The following ROBO3 variants were observed in gnomAD, a reference collection of about 807,000 sequenced individuals.
ROBO3 encodes roundabout guidance receptor 3, also known as roundabout homolog 3.
In ROBO3, 97 loss-of-function variants were observed where a neutral mutation model predicts 160.5. The observed-to-expected ratio is 0.60, with a 90% CI of 0.51 to 0.72. The LOEUF (loss-of-function observed/expected upper bound fraction) is 0.72, where lower values mean the gene tolerates loss of function less well. ROBO3 is among the 30% of genes least tolerant of loss of function. The probability of loss-of-function intolerance (pLI) is 0.00; values close to 1 mark genes in which losing one functional copy is unlikely to be tolerated. For synonymous variants in ROBO3, 780 were observed against 746.2 expected (o/e 1.05, Z -0.74); for missense variants, 1,858 against 1,846.5 (o/e 1.01, Z -0.11).
rs778059924 is a variant in ROBO3 at position 124,878,826 on chromosome 11, G to A, written c.3533+30G>A. 2.6e-6 allele frequency: 4 copies of A among 1,552,294 alleles called. No homozygotes were observed. In the African/African-American group the frequency reaches 5.4e-5, roughly 21 times the overall value. On this transcript the variant is annotated intron_variant, in intron 23 of 27. Transcript: ENST00000397801. The surrounding 1 kb of genome is among the most constrained non-coding windows in gnomAD (Gnocchi z 4.3). ...GGAGGTATATAGTACCTCACTCATT[G>A]CAAGCCCTCTATACGTATCTACTCA...
rs1277774195 is a variant in ROBO3 at position 124,874,196 on chromosome 11, C to T, written c.1911C>T (p.Leu637=). The stretch of plus-strand genomic sequence containing the variant: ...TTCGAGCAGTGGGAGCCTGGGGCCT[C>T]AGTGAGCCCAGCCCCGTCTCTGAGC... ...FLVRAVGAWG[L]SEPSPVSEPV... The change falls in exon 12 of 28, where the codon CTC becomes CTT. Residue 637 remains leucine, a synonymous_variant. Coordinates refer to ENST00000397801, the MANE Select transcript of ROBO3 (RefSeq NM_022370.4). 12 of 1,613,838 alleles carry T rather than the reference C, an allele frequency of 7.4e-6. No individual in the cohort carries two copies. The highest frequency in any genetic ancestry group is 1.7e-5 in the Admixed American group (1 of 60,006).
At chr11:124,874,977 T>C in intron 13 of ROBO3, 68 bp downstream of exon 13, 1 of 1,552,104 alleles carries the variant, frequency 6.4e-7, no homozygotes, top group Non-Finnish European at 8.7e-7. Flanking sequence ...CCTCCAAGAG[T>C]GAGTATGGGA....
Position 124,872,067 on chromosome 11 carries a change from A to G in ROBO3, c.1159-314A>G, listed in dbSNP as rs1232420953. ...TAGAAGACTTTCATATGATTACTTC[A>G]TGTGATCTTTATAACTATCCTCTAG... is the stretch of plus-strand genomic sequence containing the variant. On this transcript the variant is annotated intron_variant, in intron 7 of 27. Coordinates refer to ENST00000397801, the MANE Select transcript of ROBO3 (RefSeq NM_022370.4). The surrounding 1 kb of genome is among the most constrained non-coding windows in gnomAD (Gnocchi z 4.3). Among the ~76,000 whole-genome samples, 5 of 152,254 alleles carry G rather than the reference A, an allele frequency of 3.3e-5. No homozygotes were observed. Among genetic ancestry groups the G allele is most frequent in the African/African-American group, 1.2e-4 (5 of 41,464 alleles).
At position 124,876,537 on chromosome 11, in the gene ROBO3, C is replaced by A; in HGVS notation, c.2779+77C>A. The A allele has an allele frequency of 8.1e-7, 1 of 1,233,726 alleles. No homozygotes were observed. Among genetic ancestry groups the A allele is most frequent in the Non-Finnish European group, 1.0e-6 (1 of 956,650 alleles). 76.4% of individuals were successfully genotyped at this position (1,233,726 alleles called of 1,614,324 possible). ...ATGGGGAGGGGCAGGGGCTTAGCCG[C>A]TGGCGAGTGAGGACCGGGTCGGGAG... On this transcript the variant is annotated intron_variant, in intron 17 of 27. Transcript: ENST00000397801. This position sits in a 1 kb window ranked among gnomAD's most constrained non-coding sequence, Gnocchi z 5.3.
At position 124,869,099 on chromosome 11, in the gene ROBO3, C is replaced by T. The variant is rs868383476; in HGVS notation, c.458C>T (p.Ala153Val). ...GCTCGCAACTACCTGGGGGCAGCAG[C>T]GAGCAGAAACGCCTCGCTGGAAGTG... ...CVARNYLGAA[A>V]SRNASLEVAV... Residue 153 changes from alanine to valine, a missense_variant, in exon 2 of 28, where the codon GCG becomes GTG. Transcript: ENST00000397801. This position sits in a 1 kb window ranked among gnomAD's most constrained non-coding sequence, Gnocchi z 4.2. 3.8e-6 allele frequency: 6 copies of T among 1,575,370 alleles called. No homozygotes were observed. The Middle Eastern group carries it at 8.5e-4, about 222-fold the overall frequency.
At chr11:124,868,707 G>C in intron 1 of ROBO3, 95 bp from the exon 2 acceptor site, 1 of 1,276,188 alleles carries the variant, frequency 7.8e-7, no homozygotes, top group Non-Finnish European at 1.1e-6. Context: ...AAGCATAGGA[G>C]ATGGAACGAC....
rs1946243013 is a variant in ROBO3 at position 124,869,046 on chromosome 11, G to A, written c.405G>A (p.Arg135=). The A allele has an allele frequency of 6.2e-7, 1 of 1,602,822 alleles. No individual in the cohort carries two copies. Among genetic ancestry groups the A allele is most frequent in the East Asian group, 2.3e-5 (1 of 44,400 alleles). ...GCATCGTGCACGGGCGCCGCGCGCG[G>A]CCGGACGAAGGTGTCTACACTTGCG... ...FPRIVHGRRA[R]PDEGVYTCVA... Residue 135 remains arginine (R), a synonymous_variant, in exon 2 of 28, where the codon CGG becomes CGA. Coordinates refer to ENST00000397801, the MANE Select transcript of ROBO3 (RefSeq NM_022370.4). The surrounding 1 kb of genome is among the most constrained non-coding windows in gnomAD (Gnocchi z 4.2).
rs201358102 is a variant in ROBO3, at chr11:124,879,223, T to C, written c.3567T>C (p.Ser1189=). The C allele has an allele frequency of 1.3e-4, 207 of 1,554,508 alleles. No homozygotes were observed. In the African/African-American group the frequency reaches 2.5e-3, roughly 19 times the overall value. Residue 1189 remains serine, a synonymous_variant, in exon 24 of 28, where the codon AGT becomes AGC. Transcript: ENST00000397801. ...RVPLGPSSPL[S]VSQPMLGIRE... is the part of the protein sequence containing the mutation. ...CCCTTGGGCCGAGTTCCCCTCTCAG[T>C]GTATCCCAGCCCATGCTGGGCATCC...
chr11:124,869,984 A>C lies in ROBO3; in HGVS notation c.682A>C (p.Lys228Gln), dbSNP rs749199026. The C allele has an allele frequency of 6.2e-7, 1 of 1,613,466 alleles. No individual in the cohort carries two copies. The highest frequency in any genetic ancestry group is 8.5e-7 in the Non-Finnish European group (1 of 1,179,636). Residue 228 changes from lysine to glutamine, a missense_variant, in exon 4 of 28, where the codon AAG becomes CAG. Coordinates refer to ENST00000397801, the MANE Select transcript of ROBO3 (RefSeq NM_022370.4). The surrounding 1 kb of genome is among the most constrained non-coding windows in gnomAD (Gnocchi z 4.2). Reference sequence around the variant, plus strand: ...GAAGCTGATGATGTCACATACACTCAAGAGCGATGCAGGCATGTATGTGTG... The same window carrying C: ...GAAGCTGATGATGTCACATACACTCCAGAGCGATGCAGGCATGTATGTGTG... ...GGKLMMSHTL[K>Q]SDAGMYVCVA...
chr11:124,868,325 A>G (rs959002923), intron 1 of ROBO3: 5 of 236,156 alleles, frequency 2.1e-5, no homozygotes, highest in Non-Finnish European at 4.1e-5. Context: ...TCCCAATTTC[A>G]CTGAGCCAGG....
In ROBO3 at chr11:124,876,908, C is replaced by T. The variant is rs574793851; in HGVS notation, c.2780-253C>T. 1.6e-6 allele frequency: 1 copy of T among 608,556 alleles called. No homozygotes were observed. Among genetic ancestry groups the T allele is most frequent in the Non-Finnish European group, 2.9e-6 (1 of 341,632 alleles). 37.7% of individuals were successfully genotyped at this position (608,556 alleles called of 1,614,324 possible). ...TGCTACTTCCTAGTAAGGGACGTCT[C>T]TGGAGAGATTCTGAGGTGTTTGAGG... is the stretch of plus-strand genomic sequence containing the variant. On this transcript the variant is annotated intron_variant, in intron 17 of 27. Transcript: ENST00000397801. The surrounding 1 kb of genome is among the most constrained non-coding windows in gnomAD (Gnocchi z 5.3).
At position 124,870,024 on chromosome 11, in the gene ROBO3, T is replaced by G. The variant is rs1435528315; in HGVS notation, c.722T>G (p.Met241Arg). 1 of 1,613,900 alleles carries G rather than the reference T, an allele frequency of 6.2e-7. No homozygotes were observed. The change falls in exon 4 of 28, where the codon ATG becomes AGG. Residue 241 changes from methionine to arginine, a missense_variant. Coordinates refer to ENST00000397801, the MANE Select transcript of ROBO3 (RefSeq NM_022370.4). ...ATGTATGTGTGCGTAGCCTCCAACA[T>G]GGCGGGAGAACGGGAGAGTGCGGCA... ...AGMYVCVASNMAGERESAAAE... is the reference protein window; with the variant it reads ...AGMYVCVASNRAGERESAAAE...
rs1219254088 is a variant in ROBO3 at position 124,869,506 on chromosome 11, C to T, written c.544C>T (p.Pro182Ser). Residue 182 changes from proline to serine, a missense_variant, in exon 3 of 28, where the codon CCA (proline) becomes TCA (serine). Physicochemically the swap from Pro to Ser is moderately conservative, Grantham distance 74. Coordinates refer to ENST00000397801, the MANE Select transcript of ROBO3 (RefSeq NM_022370.4). The surrounding 1 kb of genome is among the most constrained non-coding windows in gnomAD (Gnocchi z 4.2). ...PGNVVVAVGE[P>S]AVLECVPPRG... ...AAACGTGGTGGTGGCAGTGGGGGAG[C>T]CAGCAGTACTGGAATGCGTGCCCCC... 1.5e-5 allele frequency: 22 copies of T among 1,474,516 alleles called. No individual in the cohort carries two copies. The highest frequency in any genetic ancestry group is 1.8e-5 in the Non-Finnish European group (20 of 1,097,540). 91.3% of individuals were successfully genotyped at this position (1,474,516 alleles called of 1,614,324 possible). A position where few individuals can be genotyped will look rare whatever the true frequency, so the allele number is the denominator to read the frequency against.
At position 124,865,797 on chromosome 11, in the gene ROBO3, C is replaced by T. The variant is rs996401334; in HGVS notation, c.160+60C>T. The T allele has an allele frequency of 5.3e-6, 8 of 1,505,354 alleles. No individual in the cohort carries two copies. The Admixed American group carries it at 5.9e-5, about 11-fold the overall frequency. The allele number at this position is 1,505,354 out of a possible 1,614,324, so 93.2% of individuals were successfully genotyped here. ...GGATGGGGATGAGGTGAGAGGGCGG[C>T]GTGGAAGGGAAGGAGAAGCGCTCCT... is the stretch of plus-strand genomic sequence containing the variant. On this transcript the variant is annotated intron_variant, in intron 1 of 27. Coordinates refer to ENST00000397801, the MANE Select transcript of ROBO3 (RefSeq NM_022370.4). The surrounding 1 kb of genome is among the most constrained non-coding windows in gnomAD (Gnocchi z 5.5).
At chr11:124,879,159 G>A (rs1946488828) in intron 23 of ROBO3, 31 bp from the exon 24 acceptor site, 1 of 1,545,530 alleles carries the variant, frequency 6.5e-7, no homozygotes, top group African/African-American at 1.4e-5. Context: ...TTTGTGGAGG[G>A]AACAGAGGCT....
rs1396691390 is a variant in ROBO3 at position 124,879,346 on chromosome 11, GTC to G, written c.3685+9_3685+10del. On this transcript the variant is annotated splice_donor_region_variant and intron_variant, in intron 24 of 27. Coordinates refer to ENST00000397801, the MANE Select transcript of ROBO3 (RefSeq NM_022370.4). ...GCACAGCCAGCAGTGCCCCAGGTAA[GTC>G]TCTACAACCTCCTTTTGCCCCCCGG... The G allele has an allele frequency of 5.0e-6, 8 of 1,608,482 alleles. No individual in the cohort carries two copies. The East Asian group carries it at 6.7e-5, about 13-fold the overall frequency.
chr11:124,880,027 C>T, intron 26 of ROBO3, 79 bp downstream of exon 26: 8 of 1,325,010 alleles, frequency 6.0e-6, no homozygotes, highest in East Asian at 2.5e-5. Context: ...GATAGTAGAC[C>T]AGCTCAGCCC....
chr11:124,866,807 C>T (rs1946203163), intron 1 of ROBO3, among the ~76,000 whole-genome samples: 1 of 152,070 alleles, frequency 6.6e-6, no homozygotes, highest in Non-Finnish European at 1.5e-5. Flanking sequence ...AAAAGGCCGA[C>T]CAGAAGGGTG....
Position 124,874,867 on chromosome 11 carries a change from GCCC to G in ROBO3, c.2032_2034del (p.Pro678del). On this transcript the variant is annotated inframe_deletion, in exon 13 of 28. Transcript: ENST00000397801. Reference sequence around the variant, plus strand: ...CGGAAGTGGCTGTGCGCCTGCAGGAGCCCATAGTCCTGGGACCCCGGACCCTGC... The same window carrying G: ...CGGAAGTGGCTGTGCGCCTGCAGGAGATAGTCCTGGGACCCCGGACCCTGC... 5.6e-6 allele frequency: 9 copies of G among 1,602,108 alleles called. No homozygotes were observed. Among genetic ancestry groups the G allele is most frequent in the Non-Finnish European group, 7.7e-6 (9 of 1,174,540 alleles).
Sources: allele counts gnomAD v4.1 joint callset (sites outside exome capture counted in the v4.1 genomes callset), GRCh38; gene constraint gnomAD v4.1.1; non-coding constraint Gnocchi (gnomAD v3.1); transcripts MANE v1.5; gene names NCBI Gene and HGNC (gene_info 2026-07-23, HGNC 2026-07-21).